The following ADAMTS6 variants were observed in gnomAD, a reference collection of about 807,000 sequenced individuals.
ADAMTS6 encodes the protein A disintegrin and metalloproteinase with thrombospondin motifs 6.
In ADAMTS6, 23 loss-of-function variants were observed where a neutral mutation model predicts 144.3. That is an observed-to-expected ratio of 0.16 (90% CI 0.11 to 0.23). ADAMTS6 has a LOEUF of 0.23. ADAMTS6 is among the 10% of genes least tolerant of loss of function. The pLI is 1.00. For missense variants in ADAMTS6, 999 were observed against 1,379.6 expected (o/e 0.72, Z 4.37); for synonymous variants, 444 against 457.5 (o/e 0.97, Z 0.38).
intron 7 of ADAMTS6, among the ~76,000 whole-genome samples, chr5:65,348,375 G>C (rs1480779857): frequency 2.0e-5 from 3 of 152,090 alleles, no homozygotes; most frequent in African/African-American, 7.2e-5. Flanking sequence ...TGAACCTGTA[G>C]GACATTATGG....
At position 65,452,209 on chromosome 5, in the gene ADAMTS6, T is replaced by C; in HGVS notation, c.851A>G (p.Lys284Arg). 6.2e-6 allele frequency: 10 copies of C among 1,612,800 alleles called. No homozygotes were observed. The highest frequency in any genetic ancestry group is 8.5e-6 in the Non-Finnish European group (10 of 1,179,244). Reference sequence around the variant, plus strand: ...TCCTAGGCTGGAATCACGGTAAAGTTTGGCAACCTGACCTCCAGAAAATAA... The same window carrying C: ...TCCTAGGCTGGAATCACGGTAAAGTCTGGCAACCTGACCTCCAGAAAATAA... ...YILSVMNIVAKLYRDSSLGNV... is the reference protein window; with the variant it reads ...YILSVMNIVARLYRDSSLGNV... The change falls in exon 6 of 25, where the codon AAA becomes AGA. Residue 284 changes from lysine (K) to arginine (R), a missense_variant. Transcript: ENST00000381055.
chr5:65,157,472 C>T (rs1265259865), intron 24 of ADAMTS6, among the ~76,000 whole-genome samples: 1 of 152,208 alleles, frequency 6.6e-6, no homozygotes, highest in South Asian at 2.1e-4. Context: ...AGCTTGCCTA[C>T]TTGTCTCACT....
intron 21 of ADAMTS6, among the ~76,000 whole-genome samples, chr5:65,188,535 G>T (rs1349907946): frequency 2.6e-5 from 4 of 152,098 alleles, no homozygotes; most frequent in African/African-American, 9.7e-5. Context: ...TGTCACGAGG[G>T]TTAAATAAGG....
chr5:65,225,710 G>A (rs1757673774), intron 16 of ADAMTS6, among the ~76,000 whole-genome samples: 1 of 152,194 alleles, frequency 6.6e-6, no homozygotes, highest in Non-Finnish European at 1.5e-5. Flanking sequence ...GCTATGAAAT[G>A]TATCAAATAA....
chr5:65,281,855 A>G (rs1178065171), intron 11 of ADAMTS6, among the ~76,000 whole-genome samples: 2 of 152,152 alleles, frequency 1.3e-5, no homozygotes, highest in East Asian at 3.8e-4. Context: ...TGTTTCACAA[A>G]GAGTATAATT....
At chr5:65,237,844 T>TC (rs1758806173) in intron 15 of ADAMTS6, among the ~76,000 whole-genome samples, 1 of 152,154 alleles carries the variant, frequency 6.6e-6, no homozygotes, top group African/African-American at 2.4e-5. Flanking sequence ...CCCAGCACTT[T>TC]GGGAGGCTGA....
intron 7 of ADAMTS6, among the ~76,000 whole-genome samples, chr5:65,343,492 T>G (rs748227252): frequency 5.3e-5 from 8 of 152,068 alleles, no homozygotes; most frequent in African/African-American, 1.9e-4. Context: ...GATAACCATA[T>G]GCAAAAGAAT....
chr5:65,348,383 T>C (rs1180242981), intron 7 of ADAMTS6, among the ~76,000 whole-genome samples: 1 of 152,114 alleles, frequency 6.6e-6, no homozygotes, highest in Non-Finnish European at 1.5e-5. Context: ...TAGGACATTA[T>C]GGTAAGTGAA....
intron 11 of ADAMTS6, among the ~76,000 whole-genome samples, chr5:65,281,958 T>A (rs1763020718): frequency 6.6e-6 from 1 of 152,132 alleles, no homozygotes; most frequent in Admixed American, 6.5e-5. Flanking sequence ...GAAGAGAAAC[T>A]CTTCTATTTA....
At chr5:65,459,344 T>G (rs921973712) in intron 4 of ADAMTS6, among the ~76,000 whole-genome samples, 2 of 152,184 alleles carry the variant, frequency 1.3e-5, no homozygotes, top group Non-Finnish European at 2.9e-5. Flanking sequence ...GGGTTTCTAG[T>G]GCACGTAGGA....
intron 22 of ADAMTS6, among the ~76,000 whole-genome samples, chr5:65,176,297 T>C (rs1434511285): frequency 6.6e-6 from 1 of 152,212 alleles, no homozygotes; most frequent in East Asian, 1.9e-4. Context: ...AAAAAAAGAA[T>C]TTATGCAAGA....
chr5:65,436,219 TAC>T (rs547221276), intron 7 of ADAMTS6, among the ~76,000 whole-genome samples: 3 of 150,836 alleles, frequency 2.0e-5, no homozygotes, highest in Non-Finnish European at 3.0e-5. Context: ...CCCCCATCTC[TAC>T]ACACACACAC....
chr5:65,386,891 A>G (rs1752519188), intron 7 of ADAMTS6, among the ~76,000 whole-genome samples: 1 of 152,188 alleles, frequency 6.6e-6, no homozygotes, highest in Admixed American at 6.5e-5. Context: ...CCAGCCAAGT[A>G]TTAACTTCTT....
chr5:65,192,559 C>T (rs1273840396), intron 21 of ADAMTS6, among the ~76,000 whole-genome samples: 2 of 151,838 alleles, frequency 1.3e-5, no homozygotes, highest in African/African-American at 4.8e-5. Flanking sequence ...AAAAACTTAA[C>T]TCAGCCTTTC....
chr5:65,159,169 T>C lies in ADAMTS6; in HGVS notation c.3245-7224A>G, dbSNP rs187585665. 1.8e-3 allele frequency among the ~76,000 whole-genome samples: 278 copies of C among 152,202 alleles called. 2 individuals are homozygous for C. The highest frequency in any genetic ancestry group is 0.01 in the Middle Eastern group (3 of 294). Reference sequence around the variant, plus strand: ...TATTATTTTCCCCCCAGTTCATCACTCTCCTTTTAATCCCTACAATATCTG... The same window carrying C: ...TATTATTTTCCCCCCAGTTCATCACCCTCCTTTTAATCCCTACAATATCTG... On this transcript the variant is annotated intron_variant, in intron 24 of 24. Transcript: ENST00000381055.
At chr5:65,276,203 T>C (rs114465479) in intron 11 of ADAMTS6, among the ~76,000 whole-genome samples, 4,122 of 152,284 alleles carry the variant, frequency 0.027, 93 homozygotes, top group Middle Eastern at 0.075. Flanking sequence ...TCTTACCTTT[T>C]AGAGAATGAT....
intron 7 of ADAMTS6, among the ~76,000 whole-genome samples, chr5:65,422,617 T>A (rs1756158893): frequency 6.7e-6 from 1 of 149,420 alleles, no homozygotes. Context: ...CGAGACTACG[T>A]CTCAAAAAAT....
At chr5:65,440,022 G>A (rs1429345038) in intron 7 of ADAMTS6, among the ~76,000 whole-genome samples, 1 of 152,000 alleles carries the variant, frequency 6.6e-6, no homozygotes, top group East Asian at 1.9e-4. Context: ...TACCCAGTGT[G>A]GTCTTGAACT....
chr5:65,218,459 G>C (rs1175568197), intron 18 of ADAMTS6, among the ~76,000 whole-genome samples: 2 of 152,164 alleles, frequency 1.3e-5, no homozygotes, highest in African/African-American at 4.8e-5. Context: ...GGAAAAGGAG[G>C]AGAATGTGAT....
Sources: gnomAD v4.1 joint callset for allele counts (sites outside exome capture counted in the v4.1 genomes callset) on GRCh38, gnomAD v4.1.1 for gene constraint, MANE v1.5 for transcripts, NCBI Gene and HGNC (gene_info 2026-07-23, HGNC 2026-07-21) for gene names.